The following CACNA1C variants were observed in gnomAD, a reference collection of about 807,000 sequenced individuals.
The protein encoded by CACNA1C is calcium voltage-gated channel subunit alpha1 C.
A neutral mutation model predicts 229.0 loss-of-function variants in CACNA1C; 30 were observed. The observed-to-expected ratio is 0.13, with a 90% confidence interval of 0.10 to 0.18. CACNA1C has a LOEUF of 0.18. Among genes scored for constraint, CACNA1C ranks in the 10% least tolerant of loss-of-function variants. The probability of loss-of-function intolerance (pLI) is 1.00; values close to 1 mark genes in which losing one functional copy is unlikely to be tolerated. For synonymous variants in CACNA1C, 1,114 were observed against 1,132.5 expected (o/e 0.98, Z 0.33); for missense variants, 1,658 against 2,845.0 (o/e 0.58, Z 9.49).
At chr12:2,492,931 T>G (rs988808551) in intron 6 of CACNA1C, among the ~76,000 whole-genome samples, 1 of 152,336 alleles carries the variant, frequency 6.6e-6, no homozygotes. Flanking sequence ...TTACTAAGAT[T>G]AAAATACAGC....
intron 9 of CACNA1C, among the ~76,000 whole-genome samples, chr12:2,543,649 G>A (rs1039110533): frequency 1.3e-5 from 2 of 152,148 alleles, no homozygotes; most frequent in African/African-American, 4.8e-5. Context: ...ATTTCAGAAA[G>A]GAACCTTTAG....
intron 3 of CACNA1C, among the ~76,000 whole-genome samples, chr12:2,340,599 A>G (rs1289859122): frequency 2.6e-5 from 4 of 152,212 alleles, no homozygotes; most frequent in Non-Finnish European, 2.9e-5. Flanking sequence ...CAACAGAGGG[A>G]TCCGGAGGGT....
At chr12:2,291,392 G>C (rs561377976) in intron 3 of CACNA1C, among the ~76,000 whole-genome samples, 72 of 152,282 alleles carry the variant, frequency 4.7e-4, no homozygotes, top group African/African-American at 1.6e-3. Context: ...ACCTACTGGT[G>C]GTTTCTTAGA....
intron 29 of CACNA1C, chr12:2,613,956 C>G (rs2079130656): frequency 6.6e-6 from 1 of 152,232 alleles, no homozygotes; most frequent in African/African-American, 2.4e-5. Flanking sequence ...ACAGTTGACT[C>G]AGATGTGTTT....
intron 9 of CACNA1C, among the ~76,000 whole-genome samples, chr12:2,518,738 A>G (rs1041336382): frequency 6.6e-6 from 1 of 152,172 alleles, no homozygotes; most frequent in Non-Finnish European, 1.5e-5. Context: ...TTACATGAGA[A>G]GACATGCCAA....
chr12:2,241,886 G>A (rs376132074), intron 3 of CACNA1C, among the ~76,000 whole-genome samples: 44 of 152,186 alleles, frequency 2.9e-4, no homozygotes, highest in African/African-American at 8.9e-4. Flanking sequence ...GAATGAGTTC[G>A]CAAGGCGTTT....
chr12:2,660,934 A>G (rs2153691842), intron 34 of CACNA1C: 1 of 152,214 alleles, frequency 6.6e-6, no homozygotes, highest in Admixed American at 6.6e-5. Flanking sequence ...CATGGAGGCT[A>G]TGCTCACTGA....
chr12:2,149,117 T>C (rs938863743), intron 3 of CACNA1C, among the ~76,000 whole-genome samples: 15 of 152,162 alleles, frequency 9.9e-5, no homozygotes, highest in African/African-American at 3.1e-4. Flanking sequence ...TTGGGGCTAA[T>C]GTGGAATTAA....
intron 3 of CACNA1C, among the ~76,000 whole-genome samples, chr12:2,195,423 G>T (rs1019633491): frequency 6.6e-6 from 1 of 152,224 alleles, no homozygotes; most frequent in African/African-American, 2.4e-5. Context: ...AGTTTCTCCT[G>T]TAGTAAAGTG....
chr12:2,448,889 C>T, intron 3 of CACNA1C, 87 bp from the exon 4 acceptor site: 2 of 1,155,292 alleles, frequency 1.7e-6, no homozygotes, highest in East Asian at 2.4e-5. Context: ...TTATCTTCCA[C>T]CTACTTGTGA....
At chr12:2,177,612 CCTTCCTTCCT>C (rs2096701356) in intron 3 of CACNA1C, among the ~76,000 whole-genome samples, 1 of 109,812 alleles carries the variant, frequency 9.1e-6, no homozygotes, top group African/African-American at 3.4e-5. Flanking sequence ...TTCCTTCCTT[CCTTCCTTCCT>C]TCCTTCTCTC....
At position 2,198,500 on chromosome 12, in the gene CACNA1C, C is replaced by T. The variant is rs137870989; in HGVS notation, c.477+78070C>T. ...TGCACCTATATGGGGGTGTAATCTCCGTGCGGCACCATGTTGATGAGCTGC... is the reference window on the plus strand; with the variant it reads ...TGCACCTATATGGGGGTGTAATCTCTGTGCGGCACCATGTTGATGAGCTGC... On this transcript the variant is annotated intron_variant, in intron 3 of 46. Coordinates refer to ENST00000399655, the MANE Select transcript of CACNA1C (RefSeq NM_000719.7). 3.1e-3 allele frequency among the ~76,000 whole-genome samples: 479 copies of T among 152,314 alleles called. 3 individuals are homozygous for T. The highest frequency in any genetic ancestry group is 0.014 in the South Asian group (65 of 4,814).
intron 3 of CACNA1C, among the ~76,000 whole-genome samples, chr12:2,267,839 C>A (rs1473306031): frequency 6.6e-6 from 1 of 152,086 alleles, no homozygotes; most frequent in Non-Finnish European, 1.5e-5. Context: ...GGGGTATTCC[C>A]CCTGGTGATA....
At chr12:2,199,340 C>A (rs1036042644) in intron 3 of CACNA1C, among the ~76,000 whole-genome samples, 6 of 152,178 alleles carry the variant, frequency 3.9e-5, no homozygotes, top group African/African-American at 1.4e-4. Context: ...CAACCCCTCC[C>A]CTTCCTCCTC....
At position 2,694,849 on chromosome 12, in the gene CACNA1C, A is replaced by G. The variant is rs1341328656; in HGVS notation, c.*3650A>G. 6.6e-6 allele frequency: 1 copy of G among 152,248 alleles called. No homozygotes were observed. The highest frequency in any genetic ancestry group is 1.5e-5 in the Non-Finnish European group (1 of 68,058). The allele number at this position is 152,248 out of a possible 1,614,324, so 9.4% of individuals were successfully genotyped here. On this transcript the variant is annotated 3_prime_UTR_variant, in exon 47 of 47. Coordinates refer to ENST00000399655, the MANE Select transcript of CACNA1C (RefSeq NM_000719.7). The stretch of plus-strand genomic sequence containing the variant: ...CTACTTTATGGAGTCCTGAAGATAC[A>G]CAGCCACCACTCCTAAAGGCAAAGA...
intron 31 of CACNA1C, among the ~76,000 whole-genome samples, chr12:2,650,612 G>T (rs541801209): frequency 6.6e-6 from 1 of 152,264 alleles, no homozygotes; most frequent in South Asian, 2.1e-4. Flanking sequence ...AGGGCCAAGT[G>T]GGGAGTCAGC....
At chr12:2,280,206 GAGACCTTGCTGTGCTTCGGTTTA>G in intron 3 of CACNA1C, among the ~76,000 whole-genome samples, 1 of 126,664 alleles carries the variant, frequency 7.9e-6, no homozygotes, top group African/African-American at 3.4e-5. Flanking sequence ...TTAACCTCTT[GAGACCTTGCTGTGCTTCGGTTTA>G]ACCTCTTGAG....
intron 3 of CACNA1C, among the ~76,000 whole-genome samples, chr12:2,260,853 C>T (rs966923124): frequency 6.6e-6 from 1 of 152,162 alleles, no homozygotes; most frequent in African/African-American, 2.4e-5. Flanking sequence ...TTCTCAATAA[C>T]TACTGAGAAT....
Position 2,029,063 on chromosome 12 carries a change from C to A in CACNA1C, c.139+57862C>A, listed in dbSNP as rs2047788176. ...GTAATAGGATCATAGACCATTTGGA[C>A]TGGAGGCATGTCTTATGTTACAAGT... On this transcript the variant is annotated intron_variant, in intron 1 of 46. Coordinates refer to the CACNA1C transcript ENST00000682462. The surrounding 1 kb of genome is among the most constrained non-coding windows in gnomAD (Gnocchi z 4.9). 6.6e-6 allele frequency among the ~76,000 whole-genome samples: 1 copy of A among 152,102 alleles called. No homozygotes were observed. Among genetic ancestry groups the A allele is most frequent in the South Asian group, 2.1e-4 (1 of 4,830 alleles).
Sources: allele counts gnomAD v4.1 joint callset (sites outside exome capture counted in the v4.1 genomes callset), GRCh38; gene constraint gnomAD v4.1.1; non-coding constraint Gnocchi (gnomAD v3.1); transcripts MANE v1.5; gene names NCBI Gene and HGNC (gene_info 2026-07-23, HGNC 2026-07-21).